Variants in CHN1 observed in about 807,000 individuals in gnomAD.
The protein encoded by CHN1 is N-chimaerin.
In CHN1, 37 loss-of-function variants were observed where a neutral mutation model predicts 59.5. The observed-to-expected ratio is 0.62, with a 90% confidence interval of 0.48 to 0.82. The LOEUF is 0.82. Ranked by LOEUF, CHN1 falls within the 40% of genes least tolerant of loss-of-function variation. CHN1 has a pLI of 0.00. For synonymous variants in CHN1, 206 were observed against 200.4 expected, an observed-to-expected ratio of 1.03 and a Z score of -0.24; for missense variants, 469 against 571.0, an observed-to-expected ratio of 0.82 and a Z score of 1.82.
intron 5 of CHN1, among the ~76,000 whole-genome samples, chr2:174,884,070 C>T (rs1043286911): frequency 2.6e-5 from 4 of 151,248 alleles, no homozygotes; most frequent in African/African-American, 9.7e-5. Context: ...CAGGTTCACG[C>T]CATTCTCCTG....
Position 174,910,400 on chromosome 2 carries a change from T to C in CHN1, c.260+4658A>G, listed in dbSNP as rs571673296. Reference sequence around the variant, plus strand: ...CAACGTTGATAAAGAATTTTTTTTTTTTAATTTCCAAGAAAACTCTTGGAC... The same window carrying C: ...CAACGTTGATAAAGAATTTTTTTTTCTTAATTTCCAAGAAAACTCTTGGAC... On this transcript the variant is annotated intron_variant, in intron 5 of 12. Transcript: ENST00000409900. Among the ~76,000 whole-genome samples the C allele has an allele frequency of 2.6e-5, 4 of 152,254 alleles. No individual in the cohort carries two copies. The East Asian group carries it at 7.7e-4, about 29-fold the overall frequency.
chr2:174,888,921 G>A lies in CHN1; in HGVS notation c.261-10793C>T, dbSNP rs1327001039. On this transcript the variant is annotated intron_variant, in intron 5 of 12. Transcript: ENST00000409900. ...CACAGAGAAGCCAGTGCAGCCCGGT[G>A]TGAATCCACAAAAGGTGGGAGGGAG... Among the ~76,000 whole-genome samples the A allele has an allele frequency of 2.0e-5, 3 of 152,210 alleles. No homozygotes were observed. The East Asian group carries it at 5.8e-4, about 29-fold the overall frequency.
chr2:174,828,039 T>C (rs1685749956), intron 7 of CHN1, among the ~76,000 whole-genome samples: 1 of 152,118 alleles, frequency 6.6e-6, no homozygotes, highest in Non-Finnish European at 1.5e-5. Context: ...GGAAAATCAC[T>C]TTCCCCTTCC....
intron 3 of CHN1, among the ~76,000 whole-genome samples, chr2:174,936,660 A>G (rs1014199563): frequency 6.6e-6 from 1 of 152,140 alleles, no homozygotes. Flanking sequence ...ATATATTTAT[A>G]TATACCTATA....
intron 3 of CHN1, among the ~76,000 whole-genome samples, chr2:174,937,253 GA>G (rs2105395212): frequency 6.6e-6 from 1 of 152,250 alleles, no homozygotes; most frequent in South Asian, 2.1e-4. Context: ...GACCACAAAA[GA>G]AAGGTCACAC....
At chr2:174,826,598 CAG>C (rs1359674127) in intron 7 of CHN1, among the ~76,000 whole-genome samples, 3 of 152,122 alleles carry the variant, frequency 2.0e-5, no homozygotes, top group African/African-American at 7.2e-5. Context: ...GAAAGTTAAA[CAG>C]GGAGAGCAAA....
At chr2:174,922,903 C>A (rs1314168185) in intron 3 of CHN1, among the ~76,000 whole-genome samples, 1 of 151,946 alleles carries the variant, frequency 6.6e-6, no homozygotes, top group Non-Finnish European at 1.5e-5. Context: ...CAGAATGACA[C>A]CGTTTAGGAA....
At chr2:174,834,849 T>C (rs1205429926) in intron 7 of CHN1, among the ~76,000 whole-genome samples, 1 of 152,242 alleles carries the variant, frequency 6.6e-6, no homozygotes, top group African/African-American at 2.4e-5. Flanking sequence ...AGTGTGAGTA[T>C]GCACATTTAA....
At chr2:175,000,207 C>A (rs923012963) in intron 1 of CHN1, among the ~76,000 whole-genome samples, 8 of 138,774 alleles carry the variant, frequency 5.8e-5, no homozygotes, top group African/African-American at 2.2e-4. Flanking sequence ...GTGGTGTGAT[C>A]TCAGCTCACT....
chr2:174,802,019 C>T (rs978395048), intron 11 of CHN1: 1 of 419,594 alleles, frequency 2.4e-6, no homozygotes, highest in South Asian at 2.4e-5. Context: ...ACACTATTTA[C>T]TTGGACTTTT....
At chr2:174,963,039 C>T (rs1241901874) in intron 1 of CHN1, among the ~76,000 whole-genome samples, 1 of 152,102 alleles carries the variant, frequency 6.6e-6, no homozygotes, top group Non-Finnish European at 1.5e-5. Flanking sequence ...TAATACTTTT[C>T]ATACCTAATA....
chr2:174,993,312 C>A (rs559777178), intron 1 of CHN1, among the ~76,000 whole-genome samples: 1 of 140,736 alleles, frequency 7.1e-6, no homozygotes, highest in South Asian at 2.2e-4. Flanking sequence ...CAATCTCTCT[C>A]CCCTATCACA....
intron 6 of CHN1, among the ~76,000 whole-genome samples, chr2:174,857,357 A>G (rs1686934952): frequency 1.3e-5 from 2 of 152,122 alleles, no homozygotes; most frequent in African/African-American, 4.8e-5. Flanking sequence ...TTATGATTTT[A>G]CATATCATTG....
chr2:174,983,260 T>G (rs1691219722), intron 1 of CHN1, among the ~76,000 whole-genome samples: 2 of 152,206 alleles, frequency 1.3e-5, no homozygotes, highest in Admixed American at 6.5e-5. Context: ...CATTGTATAT[T>G]TTATATGTGT....
chr2:174,857,155 T>C (rs1686926123), intron 6 of CHN1, among the ~76,000 whole-genome samples: 1 of 152,130 alleles, frequency 6.6e-6, no homozygotes. Flanking sequence ...GGGAATGGAA[T>C]TGGAGCAAGT....
Position 174,986,570 on chromosome 2 carries a change from C to T in CHN1, c.19+18324G>A, listed in dbSNP as rs1056416478. Among the ~76,000 whole-genome samples the T allele has an allele frequency of 2.6e-5, 4 of 152,276 alleles. No homozygotes were observed. The South Asian group carries it at 6.2e-4, about 24-fold the overall frequency. On this transcript the variant is annotated intron_variant, in intron 1 of 12. Coordinates refer to ENST00000409900, the MANE Select transcript of CHN1 (RefSeq NM_001822.7). ...CCTTAAACAACATGGGTTTGAACCA[C>T]GTGGTTCTACTTATAAACAGATTTT...
intron 3 of CHN1, among the ~76,000 whole-genome samples, chr2:174,931,878 G>C (rs895298601): frequency 6.6e-6 from 1 of 152,186 alleles, no homozygotes; most frequent in African/African-American, 2.4e-5. Context: ...CACACCTGCT[G>C]TATCTGAGAA....
At chr2:174,846,023 T>C (rs1686499042) in intron 7 of CHN1, among the ~76,000 whole-genome samples, 1 of 152,174 alleles carries the variant, frequency 6.6e-6, no homozygotes, top group Non-Finnish European at 1.5e-5. Flanking sequence ...ACTAAGAACA[T>C]TCATGTCTCA....
chr2:174,847,565 C>T (rs1213050), intron 6 of CHN1: 1 of 1,270,090 alleles, frequency 7.9e-7, no homozygotes, highest in Non-Finnish European at 1.0e-6. Flanking sequence ...CAATCAGTTT[C>T]TAGCAACAGA....
Sources: gnomAD v4.1 joint callset for allele counts (sites outside exome capture counted in the v4.1 genomes callset) on GRCh38, gnomAD v4.1.1 for gene constraint, MANE v1.5 for transcripts, NCBI Gene and HGNC (gene_info 2026-07-23, HGNC 2026-07-21) for gene names.